EYS: variants seen among roughly 807,000 people sequenced by gnomAD.
EYS encodes the protein EGF-like photoreceptor maintenance factor.
Under a neutral mutation model 282.1 loss-of-function variants are expected in EYS, and 250 were observed. The ratio of observed to expected loss-of-function variants is 0.89; its 90% confidence interval spans 0.80 to 0.98. EYS has a LOEUF of 0.98. Ranked by LOEUF, EYS falls within the 50% of genes least tolerant of loss-of-function variation. The pLI is 0.00. For synonymous variants in EYS, 1,355 were observed against 1,282.9 expected (o/e 1.06, Z -1.20); for missense variants, 4,016 against 3,709.0 (o/e 1.08, Z -2.15).
chr6:65,594,474 T>C (rs1294532213), intron 2 of EYS, among the ~76,000 whole-genome samples: 1 of 152,076 alleles, frequency 6.6e-6, no homozygotes, highest in Non-Finnish European at 1.5e-5. Context: ...CTTAGTTACA[T>C]TACTTTGCAG....
chr6:64,806,428 T>C (rs981190336), intron 22 of EYS, among the ~76,000 whole-genome samples: 1 of 151,708 alleles, frequency 6.6e-6, no homozygotes, highest in African/African-American at 2.4e-5. Flanking sequence ...GGATTACTTA[T>C]CTCAAATATT....
Position 65,182,939 on chromosome 6 carries a change from C to A in EYS, c.2023+112924G>T, listed in dbSNP as rs556994186. 2.6e-5 allele frequency among the ~76,000 whole-genome samples: 4 copies of A among 151,968 alleles called. No homozygotes were observed. The East Asian group carries it at 5.9e-4, about 22-fold the overall frequency. ...AAGTAGCTGGGAATACAGTCACACA[C>A]CACCACGCCTGGCTGATTTTTTGTA... On this transcript the variant is annotated intron_variant, in intron 12 of 42. Transcript: ENST00000503581.
intron 22 of EYS, among the ~76,000 whole-genome samples, chr6:64,762,737 G>A (rs1773201286): frequency 6.6e-6 from 1 of 152,012 alleles, no homozygotes; most frequent in Admixed American, 6.5e-5. Context: ...AGATAGGAAA[G>A]TGTTTAAAAT....
chr6:64,505,951 G>A (rs1011027355), intron 26 of EYS, among the ~76,000 whole-genome samples: 1 of 152,086 alleles, frequency 6.6e-6, no homozygotes, highest in African/African-American at 2.4e-5. Context: ...AGGAGCCTAC[G>A]GCAGGTTGAA....
chr6:65,351,098 ATTTAT>A (rs536231475), intron 9 of EYS, among the ~76,000 whole-genome samples: 84 of 151,842 alleles, frequency 5.5e-4, no homozygotes, highest in African/African-American at 1.9e-3. Context: ...ATATGTTTTC[ATTTAT>A]TTTAACTTCT....
intron 19 of EYS, among the ~76,000 whole-genome samples, chr6:64,824,458 T>G (rs1419375700): frequency 1.3e-5 from 2 of 151,950 alleles, no homozygotes; most frequent in Non-Finnish European, 2.9e-5. Context: ...TGATACATGT[T>G]TAACATTTTA....
intron 35 of EYS, among the ~76,000 whole-genome samples, chr6:63,929,082 A>G (rs1284376552): frequency 6.6e-6 from 1 of 152,230 alleles, no homozygotes; most frequent in South Asian, 2.1e-4. Flanking sequence ...CTAGGCAAGT[A>G]GACGGGGTCA....
chr6:64,452,636 G>T (rs1169084109), intron 26 of EYS, among the ~76,000 whole-genome samples: 1 of 152,092 alleles, frequency 6.6e-6, no homozygotes, highest in African/African-American at 2.4e-5. Flanking sequence ...AACCAAAACA[G>T]CATGGTACTG....
chr6:64,937,741 A>G (rs549727129), intron 15 of EYS, among the ~76,000 whole-genome samples: 2 of 151,792 alleles, frequency 1.3e-5, no homozygotes, highest in Non-Finnish European at 3.0e-5. Flanking sequence ...TCTAAAAGTT[A>G]AGCACAGAGT....
chr6:65,239,462 G>A (rs959028607), intron 12 of EYS, among the ~76,000 whole-genome samples: 2 of 151,916 alleles, frequency 1.3e-5, no homozygotes, highest in Non-Finnish European at 1.5e-5. Flanking sequence ...AATACATAAT[G>A]TAAATTTTCA....
chr6:64,071,494 A>T (rs1334277651), intron 32 of EYS, among the ~76,000 whole-genome samples: 1 of 149,668 alleles, frequency 6.7e-6, no homozygotes, highest in African/African-American at 2.5e-5. Flanking sequence ...ACTTGTTATA[A>T]TATCTCACCA....
chr6:64,998,308 T>C (rs1771343705), intron 13 of EYS, among the ~76,000 whole-genome samples: 1 of 152,212 alleles, frequency 6.6e-6, no homozygotes, highest in Non-Finnish European at 1.5e-5. Flanking sequence ...GTAGTGACAG[T>C]ATGAATTGCA....
chr6:64,844,943 C>T (rs912445971), intron 19 of EYS, among the ~76,000 whole-genome samples: 4 of 152,120 alleles, frequency 2.6e-5, no homozygotes, highest in Non-Finnish European at 4.4e-5. Flanking sequence ...CTATTAGACA[C>T]AGACACATAC....
chr6:63,899,740 C>T (rs943944862), intron 35 of EYS, among the ~76,000 whole-genome samples: 1 of 152,180 alleles, frequency 6.6e-6, no homozygotes, highest in African/African-American at 2.4e-5. Context: ...TTTACTCATG[C>T]CTCTCCCTTG....
chr6:64,025,223 A>G (rs984174528), intron 33 of EYS, among the ~76,000 whole-genome samples: 3 of 151,554 alleles, frequency 2.0e-5, no homozygotes, highest in African/African-American at 7.3e-5. Flanking sequence ...ACAACCCCCA[A>G]CTCTTTGGAG....
intron 36 of EYS, among the ~76,000 whole-genome samples, chr6:63,833,648 A>G (rs1469816782): frequency 2.0e-5 from 3 of 152,222 alleles, no homozygotes; most frequent in Non-Finnish European, 4.4e-5. Context: ...GGTAATTTTT[A>G]GATTCAATGC....
intron 13 of EYS, among the ~76,000 whole-genome samples, chr6:65,031,866 A>C (rs1169803063): frequency 2.0e-5 from 3 of 152,150 alleles, no homozygotes; most frequent in Non-Finnish European, 4.4e-5. Context: ...CAGAAAAAAA[A>C]ATAAGCAAAA....
chr6:64,634,478 C>G lies in EYS; in HGVS notation c.3444-8233G>C, dbSNP rs114594931. ...GCCATGGATAGCTCATAGGCTAATACGGGCAAACTTCTGGGCTGATTTATG... is the reference window on the plus strand; with the variant it reads ...GCCATGGATAGCTCATAGGCTAATAGGGGCAAACTTCTGGGCTGATTTATG... On this transcript the variant is annotated intron_variant, in intron 22 of 42. Transcript: ENST00000503581. 4.9e-3 allele frequency among the ~76,000 whole-genome samples: 745 copies of G among 150,732 alleles called. 4 individuals are homozygous for G. The highest frequency in any genetic ancestry group is 0.017 in the African/African-American group (706 of 40,952).
chr6:64,172,054 G>A (rs958849560), intron 31 of EYS, among the ~76,000 whole-genome samples: 1 of 152,108 alleles, frequency 6.6e-6, no homozygotes, highest in Non-Finnish European at 1.5e-5. Context: ...ATTAGAATAA[G>A]TTTTAAGAAG....
Sources: gnomAD v4.1 joint callset for allele counts (sites outside exome capture counted in the v4.1 genomes callset) on GRCh38, gnomAD v4.1.1 for gene constraint, MANE v1.5 for transcripts, NCBI Gene and HGNC (gene_info 2026-07-23, HGNC 2026-07-21) for gene names.